The following RPS6KC1 variants were observed in gnomAD, a reference collection of about 807,000 sequenced individuals.
RPS6KC1 encodes ribosomal protein S6 kinase C1.
RPS6KC1 carries 54 observed loss-of-function variants against 103.8 expected under a neutral mutation model. The observed-to-expected ratio is 0.52, with a 90% confidence interval of 0.42 to 0.65. The LOEUF (loss-of-function observed/expected upper bound fraction) is 0.65, where lower values mean the gene tolerates loss of function less well. Among genes scored for constraint, RPS6KC1 ranks in the 30% least tolerant of loss-of-function variants. The pLI is 0.00. For synonymous variants in RPS6KC1, 439 were observed against 438.7 expected (o/e 1.00, Z -0.01); for missense variants, 1,151 against 1,253.8 (o/e 0.92, Z 1.24).
chr1:213,359,909 T>A, the RPS6KC1 span, among the ~76,000 whole-genome samples: 1 of 152,138 alleles, frequency 6.6e-6, no homozygotes, highest in African/African-American at 2.4e-5. Flanking sequence ...GCTTGTAGAG[T>A]TTCTGCTGAG....
At chr1:213,773,289 G>A in the RPS6KC1 span, among the ~76,000 whole-genome samples, 1 of 151,956 alleles carries the variant, frequency 6.6e-6, no homozygotes, top group Admixed American at 6.6e-5. Flanking sequence ...TCAGCAAGGT[G>A]ACCATGGAGG....
rs2094355149 is a variant in RPS6KC1 at position 213,241,620 on chromosome 1, A to C, written c.2144A>C (p.Gln715Pro). The change falls in exon 11 of 15, where the codon CAA (glutamine) becomes CCA (proline). Residue 715 changes from glutamine to proline, a missense_variant. Around this residue, in one of 3 missense-constraint regions of RPS6KC1, gnomAD observed 959 missense variants for 1,006.3 expected, o/e 0.95. Transcript: ENST00000366960. ...GCAATGGGACCTACTAAGTTTACACAAACTAATATAGGGATAATAGAAAAT... is the reference window on the plus strand; with the variant it reads ...GCAATGGGACCTACTAAGTTTACACCAACTAATATAGGGATAATAGAAAAT... ...AAAMGPTKFT[Q>P]TNIGIIENKL... is the part of the protein sequence containing the mutation. The C allele has an allele frequency of 6.2e-7, 1 of 1,613,780 alleles. No homozygotes were observed. Among genetic ancestry groups the C allele is most frequent in the African/African-American group, 1.3e-5 (1 of 74,902 alleles).
intron 1 of RPS6KC1, among the ~76,000 whole-genome samples, chr1:213,059,708 T>C (rs1213460902): frequency 6.6e-6 from 1 of 152,014 alleles, no homozygotes; most frequent in Non-Finnish European, 1.5e-5. Context: ...CATCTCGCTC[T>C]GTTGCCCAGG....
chr1:213,546,204 G>C, the RPS6KC1 span: 1 of 152,196 alleles, frequency 6.6e-6, no homozygotes, highest in Non-Finnish European at 1.5e-5. Flanking sequence ...TACTCTGCCA[G>C]GCACTATGCT....
intron 8 of RPS6KC1, among the ~76,000 whole-genome samples, chr1:213,213,687 C>T (rs1422079384): frequency 6.6e-6 from 1 of 151,978 alleles, no homozygotes; most frequent in Non-Finnish European, 1.5e-5. Context: ...AGGAATGAAA[C>T]AATGTAGGAA....
the RPS6KC1 span, among the ~76,000 whole-genome samples, chr1:213,683,532 G>T: frequency 6.6e-6 from 1 of 152,056 alleles, no homozygotes; most frequent in African/African-American, 2.4e-5. Flanking sequence ...CCCTCAGCAG[G>T]TCCTCATGGA....
intron 2 of RPS6KC1, among the ~76,000 whole-genome samples, chr1:213,075,783 T>G (rs1210561520): frequency 6.6e-6 from 1 of 152,212 alleles, no homozygotes; most frequent in Non-Finnish European, 1.5e-5. Flanking sequence ...ATTGTCTTCA[T>G]TTAGTAATAC....
At chr1:213,648,626 C>T in the RPS6KC1 span, among the ~76,000 whole-genome samples, 20 of 152,114 alleles carry the variant, frequency 1.3e-4, no homozygotes, top group African/African-American at 4.8e-4. Context: ...GCAGTCACCC[C>T]CTCCTACCTA....
chr1:213,207,533 C>G (rs556669529), intron 8 of RPS6KC1, among the ~76,000 whole-genome samples: 1 of 152,182 alleles, frequency 6.6e-6, no homozygotes, highest in Non-Finnish European at 1.5e-5. Context: ...TATCTTCCCC[C>G]ACTCTGGAGC....
chr1:213,102,435 AG>A (rs2082098198), intron 3 of RPS6KC1, among the ~76,000 whole-genome samples: 1 of 152,198 alleles, frequency 6.6e-6, no homozygotes. Flanking sequence ...GAAAGGGGGA[AG>A]GGACAAAGAA....
chr1:213,859,298 C>T, the RPS6KC1 span, among the ~76,000 whole-genome samples: 1 of 152,128 alleles, frequency 6.6e-6, no homozygotes, highest in Non-Finnish European at 1.5e-5. Flanking sequence ...AACACCCTCC[C>T]CTCGCCTGTT....
chr1:213,242,849 T>A (rs1004997406), intron 12 of RPS6KC1, among the ~76,000 whole-genome samples, 191 bp downstream of exon 12: 3 of 152,226 alleles, frequency 2.0e-5, no homozygotes, highest in African/African-American at 7.2e-5. Flanking sequence ...TATATGTGTA[T>A]ATATGTATGT....
chr1:213,681,062 T>C, the RPS6KC1 span, among the ~76,000 whole-genome samples: 1 of 152,012 alleles, frequency 6.6e-6, no homozygotes, highest in East Asian at 1.9e-4. Flanking sequence ...GTGTAGACTC[T>C]GACGCTGTAA....
At chr1:213,831,085 C>T in the RPS6KC1 span, among the ~76,000 whole-genome samples, 49 of 152,318 alleles carry the variant, frequency 3.2e-4, no homozygotes, top group African/African-American at 1.2e-3. Context: ...AGTTAAGATT[C>T]TTCCTTCTGC....
chr1:213,299,087 G>C, the RPS6KC1 span, among the ~76,000 whole-genome samples: 64 of 152,314 alleles, frequency 4.2e-4, no homozygotes, highest in Non-Finnish European at 7.9e-4. Flanking sequence ...GGTCCCTAAA[G>C]CATGGAAGCT....
the RPS6KC1 span, among the ~76,000 whole-genome samples, chr1:213,637,620 AT>A: frequency 6.6e-6 from 1 of 152,122 alleles, no homozygotes; most frequent in African/African-American, 2.4e-5. Context: ...GGTTGAAATG[AT>A]AAGTTTATAT....
chr1:213,110,458 T>C (rs539519107), intron 4 of RPS6KC1, among the ~76,000 whole-genome samples: 1 of 152,198 alleles, frequency 6.6e-6, no homozygotes, highest in Non-Finnish European at 1.5e-5. Flanking sequence ...TCCTGTGAAG[T>C]GTGTGACTGC....
At chr1:213,485,580 C>A in the RPS6KC1 span, among the ~76,000 whole-genome samples, 1,706 of 152,254 alleles carry the variant, frequency 0.011, 11 homozygotes, top group Non-Finnish European at 0.017. Flanking sequence ...ACCTAAAACA[C>A]ATTTTTGCTC....
chr1:213,079,948 C>T (rs2079715764), intron 3 of RPS6KC1, among the ~76,000 whole-genome samples: 1 of 141,764 alleles, frequency 7.1e-6, no homozygotes, highest in South Asian at 2.2e-4. Flanking sequence ...TGAAATTTCA[C>T]TCTTGTCACC....
Sources: gnomAD v4.1 joint callset for allele counts (sites outside exome capture counted in the v4.1 genomes callset) on GRCh38, gnomAD v4.1.1 for gene constraint, gnomAD v4.1.1 regional missense constraint, MANE v1.5 for transcripts, NCBI Gene and HGNC (gene_info 2026-07-23, HGNC 2026-07-21) for gene names.